RBFOX1: variants seen among roughly 807,000 people sequenced by gnomAD.
RBFOX1 encodes the protein RNA binding fox-1 homolog 1.
RBFOX1 carries 8 observed loss-of-function variants against 57.7 expected under a neutral mutation model. The ratio of observed to expected loss-of-function variants is 0.14; its 90% confidence interval spans 0.08 to 0.25. The LOEUF (loss-of-function observed/expected upper bound fraction) is 0.25. RBFOX1 is among the 10% of genes least tolerant of loss of function. The pLI is 1.00. For synonymous variants in RBFOX1, 326 were observed against 222.4 expected (o/e 1.47, Z -4.15); for missense variants, 611 against 548.5 (o/e 1.11, Z -1.14).
At chr16:6,271,885 C>T (rs1236440614) in intron 1 of RBFOX1, among the ~76,000 whole-genome samples, 1 of 152,056 alleles carries the variant, frequency 6.6e-6, no homozygotes, top group East Asian at 1.9e-4. Context: ...GAAGCATTAA[C>T]ACCAAGTCCA....
chr16:5,949,618 A>G (rs932823152), intron 4 of RBFOX1, among the ~76,000 whole-genome samples: 2 of 151,274 alleles, frequency 1.3e-5, no homozygotes, highest in Non-Finnish European at 2.9e-5. Flanking sequence ...TTTGTGTTGT[A>G]GCATGGGTCA....
chr16:5,741,180 C>G (rs536413854), intron 3 of RBFOX1, among the ~76,000 whole-genome samples: 1 of 152,116 alleles, frequency 6.6e-6, no homozygotes, highest in East Asian at 1.9e-4. Flanking sequence ...CGAGCAGAGT[C>G]TCATCTCATC....
intron 2 of RBFOX1, among the ~76,000 whole-genome samples, chr16:6,321,043 G>A (rs756937096): frequency 2.0e-5 from 3 of 152,072 alleles, no homozygotes; most frequent in Non-Finnish European, 4.4e-5. Flanking sequence ...ATCCTCCTAC[G>A]TCGGCCTCCC....
chr16:7,149,910 AG>A (rs1248692337), intron 4 of RBFOX1, among the ~76,000 whole-genome samples: 2 of 152,100 alleles, frequency 1.3e-5, no homozygotes, highest in African/African-American at 4.8e-5. Flanking sequence ...TCTAAACTCC[AG>A]CCACATCCCG....
chr16:5,918,891 G>A (rs573026723), intron 4 of RBFOX1, among the ~76,000 whole-genome samples: 3 of 152,292 alleles, frequency 2.0e-5, no homozygotes, highest in African/African-American at 7.2e-5. Flanking sequence ...CAGAAAAGTC[G>A]TCTTTAGGTC....
intron 2 of RBFOX1, among the ~76,000 whole-genome samples, chr16:6,482,354 T>C (rs539395771): frequency 3.9e-5 from 6 of 152,360 alleles, no homozygotes; most frequent in African/African-American, 1.4e-4. Flanking sequence ...TTAGTTTTTC[T>C]ACATCCAAGA....
rs1380345391 is a variant in RBFOX1 at position 5,981,200 on chromosome 16, GCGCC to G, written c.351+113866_351+113869del. On this transcript the variant is annotated intron_variant, in intron 4 of 19. Coordinates refer to the RBFOX1 transcript ENST00000641259. ...ATGATTAAATAATAGTACAGGCTCT[GCGCC>G]TTGGCAGCAGCAATGTGAAGGGTCA... 1.1e-3 allele frequency among the ~76,000 whole-genome samples: 164 copies of G among 152,324 alleles called. 1 individual carries two copies. Among genetic ancestry groups the G allele is most frequent in the Admixed American group, 8.8e-3 (135 of 15,300 alleles).
chr16:6,493,511 G>C (rs576032195), intron 2 of RBFOX1, among the ~76,000 whole-genome samples: 22 of 151,984 alleles, frequency 1.4e-4, no homozygotes, highest in Admixed American at 6.6e-5. Flanking sequence ...ATTCATCTGT[G>C]GGTCATTTCA....
intron 3 of RBFOX1, among the ~76,000 whole-genome samples, chr16:6,896,079 C>G (rs1169108168): frequency 6.6e-6 from 1 of 152,074 alleles, no homozygotes; most frequent in East Asian, 1.9e-4. Flanking sequence ...TTGGGACCAA[C>G]CTGGCCAACA....
chr16:6,154,391 T>C (rs2096824141), intron 1 of RBFOX1, among the ~76,000 whole-genome samples: 2 of 152,250 alleles, frequency 1.3e-5, no homozygotes. Flanking sequence ...CAGGGTATTG[T>C]ATGACATGTA....
At chr16:7,163,109 G>A (rs1269551266) in intron 4 of RBFOX1, among the ~76,000 whole-genome samples, 1 of 152,138 alleles carries the variant, frequency 6.6e-6, no homozygotes, top group South Asian at 2.1e-4. Context: ...TAATTCCTAA[G>A]TTACTGAATG....
chr16:6,566,505 T>C (rs1166735363), intron 2 of RBFOX1, among the ~76,000 whole-genome samples: 2 of 152,222 alleles, frequency 1.3e-5, no homozygotes, highest in Admixed American at 6.5e-5. Context: ...TTGTCATTAA[T>C]GTGTAATGAA....
intron 1 of RBFOX1, among the ~76,000 whole-genome samples, chr16:5,338,408 G>C (rs1448578329): frequency 2.0e-5 from 3 of 152,118 alleles, no homozygotes; most frequent in African/African-American, 7.2e-5. Flanking sequence ...GACCTTTCTT[G>C]CCAAGGAGAA....
At chr16:7,498,941 T>A (rs1051180913) in intron 4 of RBFOX1, among the ~76,000 whole-genome samples, 6 of 152,180 alleles carry the variant, frequency 3.9e-5, no homozygotes, top group African/African-American at 1.4e-4. Context: ...TGTCACAACA[T>A]CCTTAGCTGT....
At chr16:6,657,455 C>T (rs1199762993) in intron 3 of RBFOX1, among the ~76,000 whole-genome samples, 1 of 152,032 alleles carries the variant, frequency 6.6e-6, no homozygotes, top group Non-Finnish European at 1.5e-5. Context: ...CCCCCTCCCT[C>T]TCTGCTTGGT....
chr16:7,010,907 T>A (rs536181624), intron 3 of RBFOX1, among the ~76,000 whole-genome samples: 29 of 152,302 alleles, frequency 1.9e-4, no homozygotes, highest in Non-Finnish European at 7.4e-5. Context: ...GAAGATAGTG[T>A]GCTGATAAAG....
intron 4 of RBFOX1, among the ~76,000 whole-genome samples, chr16:7,073,015 G>A (rs1033144281): frequency 1.3e-5 from 2 of 152,186 alleles, no homozygotes; most frequent in African/African-American, 4.8e-5. Flanking sequence ...GGCTTTGTGA[G>A]TCCTCACAGG....
intron 1 of RBFOX1, among the ~76,000 whole-genome samples, chr16:5,277,861 T>C (rs1231129220): frequency 6.6e-6 from 1 of 152,220 alleles, no homozygotes; most frequent in Non-Finnish European, 1.5e-5. Flanking sequence ...TAGTATTCTA[T>C]TGTGCGTATA....
At chr16:5,402,231 G>A (rs11861045) in intron 1 of RBFOX1, among the ~76,000 whole-genome samples, 2 of 152,226 alleles carry the variant, frequency 1.3e-5, no homozygotes, top group Admixed American at 1.3e-4. Context: ...TACTGGAGAA[G>A]ATCTGGAAGG....
Sources: gnomAD v4.1 joint callset for allele counts (sites outside exome capture counted in the v4.1 genomes callset) on GRCh38, gnomAD v4.1.1 for gene constraint, MANE v1.5 for transcripts, NCBI Gene and HGNC (gene_info 2026-07-23, HGNC 2026-07-21) for gene names.